Variants in COL28A1 observed in about 807,000 individuals in gnomAD.
The protein encoded by COL28A1 is collagen alpha-1(XXVIII) chain.
In COL28A1, 161 loss-of-function variants were observed where a neutral mutation model predicts 150.2. The ratio of observed to expected loss-of-function variants is 1.07; its 90% CI spans 0.94 to 1.22. The LOEUF (loss-of-function observed/expected upper bound fraction) is 1.22. Ranked by LOEUF, COL28A1 falls within the 50% of genes most tolerant of loss-of-function variation. The probability of loss-of-function intolerance (pLI) is 0.00; values close to 1 mark genes in which losing one functional copy is unlikely to be tolerated. For missense variants in COL28A1, 1,617 were observed against 1,388.3 expected, an observed-to-expected ratio of 1.16 and a Z score of -2.62; for synonymous variants, 552 against 469.7, an observed-to-expected ratio of 1.18 and a Z score of -2.26.
chr7:7,498,283 A>T (rs1422612205), intron 11 of COL28A1, among the ~76,000 whole-genome samples: 1 of 152,202 alleles, frequency 6.6e-6, no homozygotes, highest in Non-Finnish European at 1.5e-5. Flanking sequence ...AGAGCTTTTG[A>T]GAATCGCAGC....
At chr7:7,533,916 T>C (rs1199905460) in intron 1 of COL28A1, among the ~76,000 whole-genome samples, 1 of 152,068 alleles carries the variant, frequency 6.6e-6, no homozygotes, top group African/African-American at 2.4e-5. Flanking sequence ...ACTTCAGGAG[T>C]TCTGGAAAAG....
chr7:7,517,057 T>C (rs190738758), intron 7 of COL28A1, among the ~76,000 whole-genome samples: 1 of 152,356 alleles, frequency 6.6e-6, no homozygotes, highest in Non-Finnish European at 1.5e-5. Context: ...TTGTATGCTT[T>C]ATATGTAGAA....
At chr7:7,414,477 G>T (rs1361173204) in intron 27 of COL28A1, among the ~76,000 whole-genome samples, 1 of 152,240 alleles carries the variant, frequency 6.6e-6, no homozygotes, top group African/African-American at 2.4e-5. Flanking sequence ...AGTTGGGCCA[G>T]CAGAGGAATG....
chr7:7,348,302 A>C, the COL28A1 span, among the ~76,000 whole-genome samples: 16 of 151,832 alleles, frequency 1.1e-4, no homozygotes, highest in East Asian at 1.2e-3. Flanking sequence ...AGCTCCATCC[A>C]TCTCTCAAAA....
chr7:7,436,413 A>G lies in COL28A1; in HGVS notation c.1842T>C (p.Leu614=). Residue 614 remains leucine (L), a synonymous_variant, in exon 23 of 35, where the codon CTT becomes CTC. Coordinates refer to ENST00000399429, the MANE Select transcript of COL28A1 (RefSeq NM_001037763.3). ...AGCATACCTTTGGTCCTCGAATAGA[A>G]AGTCCAGGTTCTCCCTTAAATCCAG... The part of the protein sequence containing the change: ...GIPGFKGEPG[L]SIRGPKGVQG... The G allele has an allele frequency of 7.0e-7, 1 of 1,418,750 alleles. No individual in the cohort carries two copies. The highest frequency in any genetic ancestry group is 1.0e-6 in the Non-Finnish European group (1 of 1,001,280). 87.9% of individuals were successfully genotyped at this position (1,418,750 alleles called of 1,614,324 possible).
intron 11 of COL28A1, among the ~76,000 whole-genome samples, chr7:7,490,874 C>T (rs12668945): frequency 0.14 from 22,000 of 152,070 alleles, 1,684 homozygotes; most frequent in Middle Eastern, 0.23. Flanking sequence ...ACAACACTTT[C>T]AGGAGCCTGC....
chr7:7,503,527 A>G (rs1017914429), intron 11 of COL28A1, among the ~76,000 whole-genome samples: 1 of 152,236 alleles, frequency 6.6e-6, no homozygotes, highest in African/African-American at 2.4e-5. Flanking sequence ...TAAAATGATA[A>G]TGGATAAAAA....
At chr7:7,529,202 T>C (rs1437497504) in intron 3 of COL28A1, among the ~76,000 whole-genome samples, 1 of 149,264 alleles carries the variant, frequency 6.7e-6, no homozygotes, top group East Asian at 2.0e-4. Flanking sequence ...GGCAGGAGAA[T>C]CGCTTGAACC....
chr7:7,414,704 T>A (rs1440423353), intron 27 of COL28A1, among the ~76,000 whole-genome samples: 3 of 152,200 alleles, frequency 2.0e-5, no homozygotes, highest in Non-Finnish European at 4.4e-5. Flanking sequence ...CCCACATTCC[T>A]TCCAGTCATG....
intron 11 of COL28A1, among the ~76,000 whole-genome samples, chr7:7,493,056 T>A (rs937577066): frequency 4.9e-5 from 7 of 142,424 alleles, no homozygotes; most frequent in African/African-American, 1.3e-4. Context: ...CATTAATATA[T>A]AATATATATA....
At chr7:7,378,583 G>C (rs948095064) in intron 30 of COL28A1, among the ~76,000 whole-genome samples, 9 of 152,148 alleles carry the variant, frequency 5.9e-5, no homozygotes, top group African/African-American at 2.2e-4. Flanking sequence ...ATAGCTATTG[G>C]GGGATACATT....
At chr7:7,368,453 T>A (rs529907168) in intron 33 of COL28A1, among the ~76,000 whole-genome samples, 1 of 152,126 alleles carries the variant, frequency 6.6e-6, no homozygotes, top group East Asian at 1.9e-4. Context: ...CTCCTAGTTA[T>A]TCTTAAAACT....
intron 14 of COL28A1, among the ~76,000 whole-genome samples, chr7:7,475,199 G>A (rs1014851847): frequency 1.3e-5 from 2 of 151,994 alleles, no homozygotes; most frequent in Non-Finnish European, 2.9e-5. Context: ...GTTACATGAC[G>A]TAAGTGAACA....
chr7:7,454,560 T>A (rs1022562316), intron 16 of COL28A1, among the ~76,000 whole-genome samples: 15 of 152,120 alleles, frequency 9.9e-5, no homozygotes, highest in Non-Finnish European at 1.8e-4. Context: ...TTTGTTTTGT[T>A]TTTTTTCCCA....
In COL28A1 at chr7:7,373,033, T is replaced by G. The variant is rs778627958; in HGVS notation, c.2873A>C (p.His958Pro). Residue 958 changes from histidine (H) to proline (P), a missense_variant, in exon 32 of 35, where the codon CAT (histidine) becomes CCT (proline). By Grantham distance (77) the His-to-Pro change is moderately conservative (BLOSUM62 -2). Coordinates refer to ENST00000399429, the MANE Select transcript of COL28A1 (RefSeq NM_001037763.3). This position sits in a 1 kb window ranked among gnomAD's most constrained non-coding sequence, Gnocchi z 4.1. ...EMNLIATDPE[H>P]VYQFDDFFTL... ...AAAGAAATCATCAAACTGGTAAACATGCTCTGGGTCAGTAGCAATTAGATT... is the reference window on the plus strand; with the variant it reads ...AAAGAAATCATCAAACTGGTAAACAGGCTCTGGGTCAGTAGCAATTAGATT... 3.4e-5 allele frequency: 55 copies of G among 1,614,036 alleles called. 2 individuals are homozygous for G. In the Admixed American group the frequency reaches 8.8e-4, roughly 26 times the overall value.
rs558664414 is a variant in COL28A1, at chr7:7,451,515, C to A, written c.1509+804G>T. Among the ~76,000 whole-genome samples, 60 of 152,244 alleles carry A rather than the reference C, an allele frequency of 3.9e-4. 1 individual carries two copies. The highest frequency in any genetic ancestry group is 7.6e-4 in the Non-Finnish European group (52 of 68,004). On this transcript the variant is annotated intron_variant, in intron 18 of 34. Coordinates refer to ENST00000399429, the MANE Select transcript of COL28A1 (RefSeq NM_001037763.3). ...CTGGGATTACAGGTGTGAGCCACTA[C>A]GCCCAGCAGAAATACTTCATTTTTT...
intron 27 of COL28A1, among the ~76,000 whole-genome samples, chr7:7,400,978 GTGTGTGTGTGTGTGTGTGTGTGTGTGTGT>G (rs1783154470): frequency 9.9e-5 from 8 of 81,212 alleles, no homozygotes; most frequent in Admixed American, 2.4e-4. Context: ...GTATTTGGGT[GTGTGTGTGTGTGTGTGTGTGTGTGTGTGT>G]GTGTGTGTGT....
At chr7:7,501,088 A>G (rs1780496701) in intron 11 of COL28A1, among the ~76,000 whole-genome samples, 1 of 152,138 alleles carries the variant, frequency 6.6e-6, no homozygotes, top group African/African-American at 2.4e-5. Flanking sequence ...GATTTTCTTA[A>G]TATCTCAGAA....
chr7:7,355,526 C>CA (rs533129879), downstream of COL28A1, among the ~76,000 whole-genome samples: 3 of 152,106 alleles, frequency 2.0e-5, no homozygotes, highest in Admixed American at 6.6e-5. Context: ...GAGAGGATCA[C>CA]TTGAGTCCGG....
Sources: allele counts gnomAD v4.1 joint callset (sites outside exome capture counted in the v4.1 genomes callset), GRCh38; gene constraint gnomAD v4.1.1; non-coding constraint Gnocchi (gnomAD v3.1); transcripts MANE v1.5; gene names NCBI Gene and HGNC (gene_info 2026-07-23, HGNC 2026-07-21).